The following JAZF1 variants were observed in gnomAD, a reference collection of about 807,000 sequenced individuals.
JAZF1 encodes JAZF zinc finger 1.
In JAZF1, 8 loss-of-function variants were observed where a neutral mutation model predicts 26.4. The observed-to-expected ratio is 0.30, with a 90% CI of 0.18 to 0.55. The LOEUF (loss-of-function observed/expected upper bound fraction) is 0.55. Among genes scored for constraint, JAZF1 ranks in the 20% least tolerant of loss-of-function variants. The pLI, the probability that JAZF1 is intolerant of heterozygous loss-of-function variation, is 0.94. For missense variants in JAZF1, 199 were observed against 322.0 expected (o/e 0.62, Z 2.92); for synonymous variants, 126 against 122.3 (o/e 1.03, Z -0.20).
chr7:27,938,979 C>T (rs1485240472), intron 2 of JAZF1, among the ~76,000 whole-genome samples: 2 of 152,144 alleles, frequency 1.3e-5, no homozygotes, highest in Non-Finnish European at 2.9e-5. Flanking sequence ...ATACTGATTT[C>T]TGCCCCCTTC....
At chr7:27,929,232 T>A (rs1254304919) in intron 2 of JAZF1, among the ~76,000 whole-genome samples, 4 of 135,118 alleles carry the variant, frequency 3.0e-5, no homozygotes, top group South Asian at 2.7e-4. Context: ...CCCTGTGATT[T>A]AGGGTAGGGT....
At chr7:27,849,752 GACACACACAC>G (rs72394231) in intron 3 of JAZF1, among the ~76,000 whole-genome samples, 3 of 108,444 alleles carry the variant, frequency 2.8e-5, no homozygotes, top group African/African-American at 1.3e-4. Context: ...CTTACACACA[GACACACACAC>G]ACACACACAC....
At chr7:27,900,285 A>G (rs1428475531) in intron 2 of JAZF1, among the ~76,000 whole-genome samples, 1 of 152,238 alleles carries the variant, frequency 6.6e-6, no homozygotes, top group Non-Finnish European at 1.5e-5. Context: ...TTAAAAACTA[A>G]ATGACGTAAA....
At chr7:28,055,427 G>C (rs527629371) in intron 1 of JAZF1, among the ~76,000 whole-genome samples, 10 of 152,106 alleles carry the variant, frequency 6.6e-5, no homozygotes, top group Admixed American at 5.2e-4. Flanking sequence ...CCCTAAGCCC[G>C]TCCTATGAAG....
chr7:28,133,979 C>T (rs1782840510), intron 1 of JAZF1, among the ~76,000 whole-genome samples: 1 of 152,122 alleles, frequency 6.6e-6, no homozygotes, highest in Non-Finnish European at 1.5e-5. Flanking sequence ...AGCACTTAGG[C>T]CTATAAGAAA....
chr7:28,163,519 A>G (rs1328871256), intron 1 of JAZF1, among the ~76,000 whole-genome samples: 1 of 152,238 alleles, frequency 6.6e-6, no homozygotes, highest in Non-Finnish European at 1.5e-5. Context: ...TCAGGAATTG[A>G]GAACACAAGT....
At chr7:27,837,470 A>C (rs1411821158) in intron 4 of JAZF1, among the ~76,000 whole-genome samples, 2 of 152,204 alleles carry the variant, frequency 1.3e-5, no homozygotes, top group Non-Finnish European at 1.5e-5. Context: ...TTGCCCTCAG[A>C]GCATCTGTCA....
intron 1 of JAZF1, among the ~76,000 whole-genome samples, chr7:28,177,209 T>C (rs925419104): frequency 6.6e-6 from 1 of 152,000 alleles, no homozygotes; most frequent in African/African-American, 2.4e-5. Flanking sequence ...AGCAGTGAAA[T>C]GCAAGAAAGA....
intron 1 of JAZF1, among the ~76,000 whole-genome samples, chr7:28,018,051 C>T (rs985700851): frequency 6.6e-6 from 1 of 152,150 alleles, no homozygotes; most frequent in African/African-American, 2.4e-5. Flanking sequence ...AAGCAATTAC[C>T]TCTATGAAGG....
At chr7:27,907,814 C>G (rs1370623867) in intron 2 of JAZF1, among the ~76,000 whole-genome samples, 1 of 152,190 alleles carries the variant, frequency 6.6e-6, no homozygotes, top group Non-Finnish European at 1.5e-5. Flanking sequence ...CTTAAATGCA[C>G]TCTGCCCAAG....
intron 3 of JAZF1, among the ~76,000 whole-genome samples, chr7:27,855,975 G>A (rs542387396): frequency 6.6e-6 from 1 of 152,318 alleles, no homozygotes; most frequent in African/African-American, 2.4e-5. Flanking sequence ...TAAAATACTG[G>A]CAAACCGAAT....
intron 2 of JAZF1, among the ~76,000 whole-genome samples, chr7:27,977,963 G>A (rs1044857516): frequency 6.6e-6 from 1 of 152,136 alleles, no homozygotes; most frequent in Non-Finnish European, 1.5e-5. Flanking sequence ...AAACCATTAT[G>A]TTGTACATTT....
intron 3 of JAZF1, among the ~76,000 whole-genome samples, chr7:27,854,408 A>C (rs1783206272): frequency 6.6e-6 from 1 of 152,236 alleles, no homozygotes; most frequent in Non-Finnish European, 1.5e-5. Context: ...TGATCCTGTC[A>C]TTATGATGAT....
chr7:27,989,849 G>A (rs939533120), intron 2 of JAZF1, among the ~76,000 whole-genome samples: 4 of 152,204 alleles, frequency 2.6e-5, no homozygotes, highest in Non-Finnish European at 5.9e-5. Flanking sequence ...CTGTAAACTA[G>A]TTCAACCATT....
intron 2 of JAZF1, among the ~76,000 whole-genome samples, chr7:27,949,934 C>T (rs1200792362): frequency 6.6e-6 from 1 of 152,156 alleles, no homozygotes; most frequent in African/African-American, 2.4e-5. Context: ...CCACTGTCTC[C>T]CAATCCCCAA....
intron 1 of JAZF1, among the ~76,000 whole-genome samples, chr7:27,995,791 T>G (rs910931171): frequency 6.6e-6 from 1 of 152,174 alleles, no homozygotes; most frequent in African/African-American, 2.4e-5. Context: ...GCTCCTGTGG[T>G]CCTAGTAACT....
At chr7:27,917,938 A>G (rs1243562487) in intron 2 of JAZF1, among the ~76,000 whole-genome samples, 1 of 152,170 alleles carries the variant, frequency 6.6e-6, no homozygotes, top group African/African-American at 2.4e-5. Flanking sequence ...ATGGTACTGC[A>G]CTTCTTTGTT....
intron 1 of JAZF1, among the ~76,000 whole-genome samples, chr7:28,132,629 A>G (rs919646268): frequency 2.0e-5 from 3 of 152,148 alleles, no homozygotes; most frequent in Non-Finnish European, 4.4e-5. Context: ...TGTAATGATG[A>G]CCCTTCATCA....
At chr7:28,146,242 T>C (rs1001071474) in intron 1 of JAZF1, among the ~76,000 whole-genome samples, 15 of 152,304 alleles carry the variant, frequency 9.8e-5, no homozygotes, top group African/African-American at 3.4e-4. Context: ...CAGGCCACCA[T>C]CTTGAAGAAA....
Sources: allele counts gnomAD v4.1 joint callset (sites outside exome capture counted in the v4.1 genomes callset), GRCh38; gene constraint gnomAD v4.1.1; transcripts MANE v1.5; gene names NCBI Gene and HGNC (gene_info 2026-07-23, HGNC 2026-07-21).